The following CACNA2D3 variants were observed in gnomAD, a reference collection of about 807,000 sequenced individuals.
CACNA2D3 encodes the protein voltage-dependent calcium channel subunit alpha-2/delta-3.
A neutral mutation model predicts 160.6 loss-of-function variants in CACNA2D3; 60 were observed. The ratio of observed to expected loss-of-function variants is 0.37; its 90% CI spans 0.30 to 0.46. The LOEUF is 0.46. Among genes scored for constraint, CACNA2D3 ranks in the 20% least tolerant of loss-of-function variants. CACNA2D3 has a pLI of 1.00. For synonymous variants in CACNA2D3, 558 were observed against 492.9 expected (o/e 1.13, Z -1.75); for missense variants, 1,205 against 1,365.0 (o/e 0.88, Z 1.85).
Position 54,822,811 on chromosome 3 carries a change from C to CT in CACNA2D3, c.1398+5944dup, listed in dbSNP as rs1328666117. Among the ~76,000 whole-genome samples the CT allele has an allele frequency of 5.7e-3, 612 of 108,258 alleles. 19 individuals are homozygous for CT. The highest frequency in any genetic ancestry group is 0.025 in the African/African-American group (564 of 22,502). The allele number at this position is 108,258 out of a possible 152,430, so 71.0% of individuals were successfully genotyped here. On this transcript the variant is annotated intron_variant, in intron 14 of 37. Transcript: ENST00000474759. ...CTTTCCTTTCTTTCTTTCTTTCTTT[C>CT]TTTCTTTCTTTCTTTCTTTCTTTTC...
intron 14 of CACNA2D3, among the ~76,000 whole-genome samples, chr3:54,825,193 A>G (rs1703725688): frequency 1.3e-5 from 2 of 152,362 alleles, no homozygotes; most frequent in African/African-American, 2.4e-5. Flanking sequence ...AGTAAAAACA[A>G]TGAAATTTTT....
At chr3:54,279,893 C>G (rs1330042498) in intron 2 of CACNA2D3, among the ~76,000 whole-genome samples, 1 of 152,130 alleles carries the variant, frequency 6.6e-6, no homozygotes, top group Non-Finnish European at 1.5e-5. Flanking sequence ...GTCTAGCCTG[C>G]AGCATCATTT....
chr3:54,459,544 G>A (rs1231748427), intron 4 of CACNA2D3, among the ~76,000 whole-genome samples: 1 of 151,948 alleles, frequency 6.6e-6, no homozygotes, highest in East Asian at 2.0e-4. Flanking sequence ...ATTTTTTCAT[G>A]TGTCTTTTGG....
At chr3:54,260,041 T>TATAGACTG (rs1166367126) in intron 2 of CACNA2D3, among the ~76,000 whole-genome samples, 1 of 152,206 alleles carries the variant, frequency 6.6e-6, no homozygotes, top group African/African-American at 2.4e-5. Flanking sequence ...CCAAACAGTG[T>TATAGACTG]TTGATGTTTA....
chr3:54,211,729 G>A (rs1486361919), intron 2 of CACNA2D3, among the ~76,000 whole-genome samples: 3 of 152,106 alleles, frequency 2.0e-5, no homozygotes, highest in South Asian at 4.1e-4. Context: ...TCTGTCGTTT[G>A]CTTCTTTACC....
chr3:54,991,071 C>T (rs575384039), intron 31 of CACNA2D3, among the ~76,000 whole-genome samples: 1 of 152,218 alleles, frequency 6.6e-6, no homozygotes, highest in Non-Finnish European at 1.5e-5. Flanking sequence ...TGAGCACCCA[C>T]CAGACTCCAG....
chr3:54,970,346 A>G (rs1419456489), intron 29 of CACNA2D3, among the ~76,000 whole-genome samples: 3 of 152,010 alleles, frequency 2.0e-5, no homozygotes, highest in African/African-American at 7.3e-5. Context: ...GTTTCTTTGT[A>G]GCATACTGCT....
At chr3:54,626,298 C>T (rs2106813839) in intron 9 of CACNA2D3, 2 of 1,533,530 alleles carry the variant, frequency 1.3e-6, no homozygotes, top group African/African-American at 1.4e-5. Flanking sequence ...TGGACATGTC[C>T]TACAAGCGGC....
chr3:55,023,845 G>A (rs1345065118), intron 35 of CACNA2D3, among the ~76,000 whole-genome samples: 4 of 151,186 alleles, frequency 2.6e-5, no homozygotes, highest in African/African-American at 7.3e-5. Context: ...TTTCTCATGG[G>A]CAATATTGGT....
chr3:54,574,803 G>A (rs531380418), intron 8 of CACNA2D3, among the ~76,000 whole-genome samples: 1 of 152,242 alleles, frequency 6.6e-6, no homozygotes, highest in Non-Finnish European at 1.5e-5. Context: ...AGCATTAACC[G>A]GGCCAATATT....
chr3:54,570,059 C>A lies in CACNA2D3; in HGVS notation c.843C>A (p.Ser281=). The change falls in exon 8 of 38, where the codon TCC becomes TCA. Residue 281 remains serine, a synonymous_variant. Transcript: ENST00000474759. ...RLTIAKQTVS[S]ILDTLGDDDF... is the part of the protein sequence containing the mutation. Reference sequence around the variant, plus strand: ...CTATCGCGAAGCAAACAGTCTCATCCATTTTGGATACACTTGGGGATGATG... The same window carrying A: ...CTATCGCGAAGCAAACAGTCTCATCAATTTTGGATACACTTGGGGATGATG... The A allele has an allele frequency of 6.2e-7, 1 of 1,613,978 alleles. No homozygotes were observed. Among genetic ancestry groups the A allele is most frequent in the Middle Eastern group, 1.6e-4 (1 of 6,062 alleles).
chr3:54,178,016 A>G (rs1192263917), intron 2 of CACNA2D3: 1 of 152,174 alleles, frequency 6.6e-6, no homozygotes, highest in African/African-American at 2.4e-5. Context: ...GATCATTTTC[A>G]AGGCTGGCTC....
intron 4 of CACNA2D3, among the ~76,000 whole-genome samples, chr3:54,468,661 C>A (rs1700673274): frequency 1.3e-5 from 2 of 152,298 alleles, no homozygotes; most frequent in South Asian, 4.1e-4. Flanking sequence ...CGGAGTCCAG[C>A]AAGCTAAGGT....
At chr3:54,503,459 C>T in intron 4 of CACNA2D3, 33 bp from the exon 5 acceptor site, 1 of 1,608,726 alleles carries the variant, frequency 6.2e-7, no homozygotes. Flanking sequence ...CTTCCCTAAG[C>T]CACATGTAAT....
chr3:54,953,545 A>G (rs572588879), intron 27 of CACNA2D3, among the ~76,000 whole-genome samples: 3 of 152,324 alleles, frequency 2.0e-5, no homozygotes, highest in Non-Finnish European at 2.9e-5. Context: ...AGTCATTACA[A>G]CAAGGCCTCA....
At chr3:54,804,438 A>G in intron 13 of CACNA2D3, among the ~76,000 whole-genome samples, 1 of 152,210 alleles carries the variant, frequency 6.6e-6, no homozygotes, top group East Asian at 1.9e-4. Flanking sequence ...TTAAACCAAC[A>G]AAGATCAAAA....
intron 2 of CACNA2D3, among the ~76,000 whole-genome samples, chr3:54,285,080 G>A (rs1488825863): frequency 6.6e-6 from 1 of 152,182 alleles, no homozygotes; most frequent in African/African-American, 2.4e-5. Flanking sequence ...CAGACAGTGG[G>A]TGCAGGACAG....
intron 2 of CACNA2D3, among the ~76,000 whole-genome samples, chr3:54,261,881 G>A (rs958929712): frequency 6.6e-6 from 1 of 152,146 alleles, no homozygotes; most frequent in Non-Finnish European, 1.5e-5. Flanking sequence ...CATGGAATGC[G>A]TGGTCCCCAT....
At chr3:54,911,657 C>G (rs1700559383) in intron 27 of CACNA2D3, among the ~76,000 whole-genome samples, 1 of 152,102 alleles carries the variant, frequency 6.6e-6, no homozygotes, top group African/African-American at 2.4e-5. Context: ...CATCTCTGCC[C>G]TGGATTGTCA....
Sources: allele counts gnomAD v4.1 joint callset (sites outside exome capture counted in the v4.1 genomes callset), GRCh38; gene constraint gnomAD v4.1.1; transcripts MANE v1.5; gene names NCBI Gene and HGNC (gene_info 2026-07-23, HGNC 2026-07-21).